The following NTRK3 variants were observed in gnomAD, a reference collection of about 807,000 sequenced individuals.
The protein encoded by NTRK3 is neurotrophic receptor tyrosine kinase 3, also known as NT-3 growth factor receptor.
NTRK3 carries 24 observed loss-of-function variants against 91.7 expected under a neutral mutation model. The observed-to-expected ratio is 0.26, with a 90% CI of 0.19 to 0.37. NTRK3 has a LOEUF of 0.37. NTRK3 is among the 10% of genes least tolerant of loss of function. The probability of loss-of-function intolerance (pLI) is 1.00; values close to 1 mark genes in which losing one functional copy is unlikely to be tolerated. For synonymous variants in NTRK3, 483 were observed against 404.0 expected (o/e 1.20, Z -2.34); for missense variants, 880 against 1,068.9 (o/e 0.82, Z 2.46).
intron 17 of NTRK3, among the ~76,000 whole-genome samples, chr15:87,921,654 C>A (rs1191888988): frequency 6.6e-6 from 1 of 152,178 alleles, no homozygotes; most frequent in African/African-American, 2.4e-5. Context: ...ATGCAGAGAG[C>A]TCTCCAGTCT....
At chr15:88,256,216 G>A (rs1223128520) in intron 2 of NTRK3, 48 bp from the exon 3 acceptor site, 3 of 557,012 alleles carry the variant, frequency 5.4e-6, no homozygotes, top group Middle Eastern at 5.0e-4. Flanking sequence ...TGGGGGGAGT[G>A]GGGAGAGCAG....
chr15:88,156,401 T>C (rs1174408682), intron 5 of NTRK3, among the ~76,000 whole-genome samples: 1 of 152,142 alleles, frequency 6.6e-6, no homozygotes, highest in African/African-American at 2.4e-5. Context: ...ATTCAAGTAC[T>C]TCCACAAAAT....
chr15:88,112,537 C>CAG (rs68183841), intron 13 of NTRK3, among the ~76,000 whole-genome samples: 3 of 23,238 alleles, frequency 1.3e-4, no homozygotes, highest in Non-Finnish European at 2.6e-4. Flanking sequence ...CTGCCACTGC[C>CAG]AGTCTCTCTT....
intron 13 of NTRK3, among the ~76,000 whole-genome samples, chr15:88,118,810 G>C (rs1018185438): frequency 6.6e-6 from 1 of 152,164 alleles, no homozygotes; most frequent in African/African-American, 2.4e-5. Flanking sequence ...TCTAAACTGG[G>C]TAAGGTATCG....
In NTRK3 at chr15:87,861,745, C is replaced by T. The variant is rs560539633; in HGVS notation, c.*15190G>A. On this transcript the variant is annotated 3_prime_UTR_variant, in exon 19 of 19. Coordinates refer to ENST00000394480, the Ensembl canonical transcript of NTRK3. The stretch of plus-strand genomic sequence containing the variant: ...ACCTCTAAAGAGGCAGAGGGCTAGA[C>T]GCGCCCTTGAAAATTTTAGGAATTT... The T allele has an allele frequency of 5.8e-4, 113 of 194,644 alleles. 1 individual carries two copies. The highest frequency in any genetic ancestry group is 9.3e-4 in the Non-Finnish European group (87 of 93,550). The allele number at this position is 194,644 out of a possible 1,614,324, so 12.1% of individuals were successfully genotyped here.
chr15:87,869,106 C>T (rs534758953), exon 19 of NTRK3: 4 of 228,962 alleles, frequency 1.7e-5, no homozygotes, highest in South Asian at 3.6e-4. Flanking sequence ...ATTTGCAGTT[C>T]CCTCAGGGGA....
At chr15:88,135,957 C>T (rs775675734) in exon 9 of NTRK3, 14 of 1,614,124 alleles carry the variant, frequency 8.7e-6, no homozygotes, top group South Asian at 5.5e-5. Flanking sequence ...CTGCAATGCA[C>T]GTCAGGGTGA....
intron 6 of NTRK3, among the ~76,000 whole-genome samples, chr15:88,138,805 G>A (rs1368788769): frequency 6.6e-6 from 1 of 152,150 alleles, no homozygotes; most frequent in Non-Finnish European, 1.5e-5. Context: ...TTGTTTATCT[G>A]TCTCCCTGAA....
At chr15:88,170,964 C>A (rs1053498855) in intron 5 of NTRK3, among the ~76,000 whole-genome samples, 3 of 152,192 alleles carry the variant, frequency 2.0e-5, no homozygotes, top group Non-Finnish European at 1.5e-5. Context: ...AATTCAACCC[C>A]TCTGTGTGTA....
chr15:88,068,936 G>A (rs1038890192), intron 13 of NTRK3, among the ~76,000 whole-genome samples: 1 of 152,126 alleles, frequency 6.6e-6, no homozygotes, highest in Non-Finnish European at 1.5e-5. Flanking sequence ...GGAAAGTAGA[G>A]CAGGAAGAAG....
intron 12 of NTRK3, 49 bp from the exon 13 acceptor site, chr15:88,126,422 A>AT (rs773433710): frequency 7.7e-7 from 1 of 1,297,402 alleles, no homozygotes; most frequent in Non-Finnish European, 1.1e-6. Context: ...AGAAAACCCA[A>AT]TTTCCTTGAA....
chr15:88,060,668 G>A (rs2046137228), intron 13 of NTRK3, among the ~76,000 whole-genome samples: 1 of 152,176 alleles, frequency 6.6e-6, no homozygotes, highest in African/African-American at 2.4e-5. Flanking sequence ...GGGAACAGCA[G>A]GAGCTAATTG....
At chr15:87,998,838 C>T (rs1177579617) in intron 14 of NTRK3, among the ~76,000 whole-genome samples, 1 of 151,386 alleles carries the variant, frequency 6.6e-6, no homozygotes, top group East Asian at 1.9e-4. Flanking sequence ...ACTGCAATGA[C>T]TTACTGCCTC....
At chr15:87,979,450 A>T (rs137898632) in intron 14 of NTRK3, 241 of 1,609,660 alleles carry the variant, frequency 1.5e-4, no homozygotes, top group South Asian at 2.9e-4. Context: ...GATTCAACAT[A>T]ATTTCTCTGA....
chr15:88,139,457 A>G (rs75794152), intron 6 of NTRK3, among the ~76,000 whole-genome samples: 2,621 of 152,236 alleles, frequency 0.017, 33 homozygotes, highest in Middle Eastern at 0.037. Context: ...GCATGCATCA[A>G]AATTAATCAG....
chr15:88,212,935 A>G (rs2049390085), intron 3 of NTRK3, among the ~76,000 whole-genome samples: 1 of 152,198 alleles, frequency 6.6e-6, no homozygotes, highest in Admixed American at 6.5e-5. Flanking sequence ...AGCCCCAGGA[A>G]AGCTGGTCAC....
chr15:87,952,605 C>A (rs1052983091), intron 14 of NTRK3, among the ~76,000 whole-genome samples: 1 of 152,234 alleles, frequency 6.6e-6, no homozygotes, highest in Non-Finnish European at 1.5e-5. Context: ...GTTATCTTGG[C>A]CGCCGGCTCA....
intron 13 of NTRK3, among the ~76,000 whole-genome samples, chr15:88,056,971 C>A (rs1408810065): frequency 6.6e-6 from 1 of 150,446 alleles, no homozygotes; most frequent in Non-Finnish European, 1.5e-5. Context: ...GAGATCGAGA[C>A]CATCCTCGCT....
intron 14 of NTRK3, among the ~76,000 whole-genome samples, chr15:88,014,638 A>G (rs1050898999): frequency 2.0e-5 from 3 of 152,226 alleles, no homozygotes; most frequent in Non-Finnish European, 1.5e-5. Flanking sequence ...TAAAACCAAG[A>G]CCAGCTAGGA....
Sources: allele counts gnomAD v4.1 joint callset (sites outside exome capture counted in the v4.1 genomes callset), GRCh38; gene constraint gnomAD v4.1.1; transcripts MANE v1.5; gene names NCBI Gene and HGNC (gene_info 2026-07-23, HGNC 2026-07-21).